NRG1: variants seen among roughly 807,000 people sequenced by gnomAD.
The protein encoded by NRG1 is pro-neuregulin-1, membrane-bound isoform.
In NRG1, 18 loss-of-function variants were observed where a neutral mutation model predicts 63.8. That is an observed-to-expected ratio of 0.28 (90% CI 0.19 to 0.42). The LOEUF (loss-of-function observed/expected upper bound fraction) is 0.42, where lower values mean the gene tolerates loss of function less well. Among genes scored for constraint, NRG1 ranks in the 10% least tolerant of loss-of-function variants. The probability of loss-of-function intolerance (pLI) is 1.00; values close to 1 mark genes in which losing one functional copy is unlikely to be tolerated. For missense variants in NRG1, 762 were observed against 814.7 expected, an observed-to-expected ratio of 0.94 and a Z score of 0.79; for synonymous variants, 302 against 301.3, an observed-to-expected ratio of 1.00 and a Z score of -0.02.
At chr8:32,100,215 A>AAACAG (rs1830397191) in intron 1 of NRG1, among the ~76,000 whole-genome samples, 1 of 152,112 alleles carries the variant, frequency 6.6e-6, no homozygotes, top group African/African-American at 2.4e-5. Flanking sequence ...AAACAAAACA[A>AAACAG]AAACTGTGAT....
chr8:32,626,685 G>GAA (rs936820152), intron 5 of NRG1, among the ~76,000 whole-genome samples: 1 of 134,930 alleles, frequency 7.4e-6, no homozygotes, highest in East Asian at 2.2e-4. Context: ...TCTCAAAAAA[G>GAA]AAAAAAAAAA....
intron 1 of NRG1, among the ~76,000 whole-genome samples, chr8:31,662,727 G>T (rs1414824971): frequency 6.6e-6 from 1 of 152,158 alleles, no homozygotes; most frequent in Non-Finnish European, 1.5e-5. Flanking sequence ...TCCTCCTTAG[G>T]TAGGTTTCAT....
At chr8:32,091,008 G>A (rs758238638) in intron 1 of NRG1, among the ~76,000 whole-genome samples, 17 of 152,234 alleles carry the variant, frequency 1.1e-4, no homozygotes, top group East Asian at 5.8e-4. Flanking sequence ...GGCCGGGCGC[G>A]GTGGCTCACA....
chr8:32,263,536 G>C (rs138721363), intron 1 of NRG1, among the ~76,000 whole-genome samples: 5 of 152,054 alleles, frequency 3.3e-5, no homozygotes, highest in African/African-American at 1.2e-4. Flanking sequence ...GTCTTGCTAC[G>C]TTTGCTTTGT....
intron 1 of NRG1, among the ~76,000 whole-genome samples, chr8:32,304,725 T>C (rs73580338): frequency 0.051 from 7,830 of 152,206 alleles, 509 homozygotes; most frequent in African/African-American, 0.15. Flanking sequence ...TTTAAAAGTT[T>C]AAATATTGGC....
chr8:32,380,662 T>G lies in NRG1; in HGVS notation c.38-215166T>G, dbSNP rs1363618288. Among the ~76,000 whole-genome samples the G allele has an allele frequency of 2.6e-5, 4 of 152,226 alleles. No homozygotes were observed. In the East Asian group the frequency reaches 7.7e-4, roughly 29 times the overall value. On this transcript the variant is annotated intron_variant, in intron 1 of 10. Coordinates refer to the NRG1 transcript ENST00000519301. ...ACTTAAGAACCTTAAGACAGAAATC[T>G]GAATTATTCCTTTTTACTTCCTCAT... is the stretch of plus-strand genomic sequence containing the variant.
chr8:32,560,927 G>A lies in NRG1; in HGVS notation c.100+12101G>A, dbSNP rs535044673. Among the ~76,000 whole-genome samples, 7 of 152,232 alleles carry A rather than the reference G, an allele frequency of 4.6e-5. 1 individual carries two copies. The South Asian group carries it at 1.2e-3, about 27-fold the overall frequency. On this transcript the variant is annotated intron_variant, in intron 1 of 11. Transcript: ENST00000356819. ...ATATGAATAAACGACCGCTGTTCCT[G>A]GTAGGTAATGAAAGTAATCTTAAAC...
At chr8:32,632,062 C>G (rs1372554451) in intron 5 of NRG1, among the ~76,000 whole-genome samples, 1 of 152,098 alleles carries the variant, frequency 6.6e-6, no homozygotes, top group Non-Finnish European at 1.5e-5. Flanking sequence ...CTTTTGACTT[C>G]AAAGTGTTTA....
chr8:31,914,748 T>A (rs1329121335), intron 1 of NRG1, among the ~76,000 whole-genome samples: 1 of 152,114 alleles, frequency 6.6e-6, no homozygotes, highest in Non-Finnish European at 1.5e-5. Context: ...ATAATCTTTT[T>A]TTTTCAGGAT....
At chr8:32,707,995 T>G (rs1816856733) in intron 5 of NRG1, among the ~76,000 whole-genome samples, 1 of 152,024 alleles carries the variant, frequency 6.6e-6, no homozygotes, top group Non-Finnish European at 1.5e-5. Flanking sequence ...AAATATTCCT[T>G]TATTATCATA....
At chr8:32,126,095 C>T (rs2131590729) in intron 1 of NRG1, among the ~76,000 whole-genome samples, 1 of 151,974 alleles carries the variant, frequency 6.6e-6, no homozygotes, top group African/African-American at 2.4e-5. Flanking sequence ...ATCTTTGTGT[C>T]TTTCCAGTTA....
intron 1 of NRG1, among the ~76,000 whole-genome samples, chr8:32,279,858 C>T (rs1852514245): frequency 1.3e-5 from 2 of 152,112 alleles, no homozygotes; most frequent in African/African-American, 2.4e-5. Context: ...TAGGGTAACA[C>T]AATTAAGGAA....
At chr8:32,358,863 C>T (rs1403958223) in intron 1 of NRG1, among the ~76,000 whole-genome samples, 1 of 152,134 alleles carries the variant, frequency 6.6e-6, no homozygotes, top group Admixed American at 6.5e-5. Context: ...AGTTTCCTAT[C>T]TTCTGTTTCT....
intron 1 of NRG1, among the ~76,000 whole-genome samples, chr8:32,593,193 G>T (rs1842809248): frequency 6.6e-6 from 1 of 152,088 alleles, no homozygotes; most frequent in Non-Finnish European, 1.5e-5. Context: ...TAGAGGCAAG[G>T]GAATAAACCT....
At chr8:32,307,360 AG>A (rs1057388128) in intron 1 of NRG1, among the ~76,000 whole-genome samples, 1 of 152,204 alleles carries the variant, frequency 6.6e-6, no homozygotes, top group African/African-American at 2.4e-5. Flanking sequence ...GAATGTGTAC[AG>A]TCAGAACGTG....
At chr8:31,873,959 T>C (rs34825962) in intron 1 of NRG1, among the ~76,000 whole-genome samples, 81,585 of 152,030 alleles carry the variant, frequency 0.54, 22,426 homozygotes, top group East Asian at 0.75. Flanking sequence ...TTTTGCTTGT[T>C]CCTGTGCTCC....
intron 1 of NRG1, among the ~76,000 whole-genome samples, chr8:32,455,027 G>A (rs1449604071): frequency 6.6e-6 from 1 of 152,166 alleles, no homozygotes; most frequent in Non-Finnish European, 1.5e-5. Flanking sequence ...AGGAACGATA[G>A]GTTATACCAT....
intron 2 of NRG1, among the ~76,000 whole-genome samples, chr8:32,601,534 T>G (rs1053355813): frequency 1.3e-5 from 2 of 152,128 alleles, no homozygotes; most frequent in African/African-American, 4.8e-5. Context: ...AGTTTTCCTG[T>G]AAGACTTAGC....
chr8:32,144,360 C>G (rs1274583995), intron 1 of NRG1, among the ~76,000 whole-genome samples: 5 of 151,860 alleles, frequency 3.3e-5, no homozygotes, highest in Admixed American at 3.3e-4. Flanking sequence ...TGAAGACCAG[C>G]TGTATATAGT....
Sources: gnomAD v4.1 joint callset for allele counts (sites outside exome capture counted in the v4.1 genomes callset) on GRCh38, gnomAD v4.1.1 for gene constraint, MANE v1.5 for transcripts, NCBI Gene and HGNC (gene_info 2026-07-23, HGNC 2026-07-21) for gene names.